RARB: variants seen among roughly 807,000 people sequenced by gnomAD.
RARB encodes retinoic acid receptor beta.
A neutral mutation model predicts 51.9 loss-of-function variants in RARB; 17 were observed. The observed-to-expected ratio is 0.33, with a 90% CI of 0.22 to 0.49. The LOEUF (loss-of-function observed/expected upper bound fraction) is 0.49. Among genes scored for constraint, RARB ranks in the 20% least tolerant of loss-of-function variants. RARB has a pLI of 0.99. For missense variants in RARB, 369 were observed against 550.8 expected, an observed-to-expected ratio of 0.67 and a Z score of 3.30; for synonymous variants, 215 against 195.4, an observed-to-expected ratio of 1.10 and a Z score of -0.84.
At chr3:25,054,908 C>G (rs1015089519) in intron 2 of RARB, among the ~76,000 whole-genome samples, 1 of 152,120 alleles carries the variant, frequency 6.6e-6, no homozygotes, top group African/African-American at 2.4e-5. Context: ...ATTCCACTTC[C>G]TACAGAGTCA....
At chr3:25,128,904 G>GT (rs1275318830) in intron 3 of RARB, among the ~76,000 whole-genome samples, 4 of 152,054 alleles carry the variant, frequency 2.6e-5, no homozygotes, top group African/African-American at 9.7e-5. Flanking sequence ...GTCGAAGAGA[G>GT]GATTAGTTAA....
chr3:25,365,400 C>G (rs1299500050), intron 5 of RARB, among the ~76,000 whole-genome samples: 1 of 151,776 alleles, frequency 6.6e-6, no homozygotes, highest in Non-Finnish European at 1.5e-5. Context: ...GCATGAGCCA[C>G]CATGCCTGTC....
upstream of RARB, among the ~76,000 whole-genome samples, chr3:25,428,076 C>A (rs1708048706): frequency 6.6e-6 from 1 of 152,188 alleles, no homozygotes; most frequent in Non-Finnish European, 1.5e-5. Context: ...AAAACGCCGG[C>A]TTGTGCGCTC....
At chr3:25,317,476 A>T (rs78134945) in intron 5 of RARB, among the ~76,000 whole-genome samples, 19 of 152,204 alleles carry the variant, frequency 1.2e-4, no homozygotes, top group Non-Finnish European at 2.2e-4. Flanking sequence ...ATCCAGCATT[A>T]TAATAAAGCT....
chr3:24,903,366 A>T (rs924821425), intron 2 of RARB, among the ~76,000 whole-genome samples: 8 of 152,174 alleles, frequency 5.3e-5, no homozygotes, highest in African/African-American at 1.9e-4. Flanking sequence ...CTGTTAGATG[A>T]GTTGTCCATT....
At chr3:25,462,827 T>C (rs1695248668) in intron 2 of RARB, among the ~76,000 whole-genome samples, 1 of 152,170 alleles carries the variant, frequency 6.6e-6, no homozygotes, top group Admixed American at 6.5e-5. Flanking sequence ...CCCATCAGGC[T>C]GGCCCTGGCT....
At chr3:25,055,883 G>A (rs1156932715) in intron 2 of RARB, among the ~76,000 whole-genome samples, 2 of 152,222 alleles carry the variant, frequency 1.3e-5, no homozygotes, top group East Asian at 3.9e-4. Flanking sequence ...TACATGGGGA[G>A]CTGCCATGTT....
intron 3 of RARB, among the ~76,000 whole-genome samples, chr3:25,062,880 A>G (rs1266243795): frequency 6.6e-6 from 1 of 152,002 alleles, no homozygotes; most frequent in Non-Finnish European, 1.5e-5. Flanking sequence ...ATACATGGGA[A>G]AATTCAATTG....
intron 4 of RARB, among the ~76,000 whole-genome samples, chr3:25,151,489 C>A (rs1260002130): frequency 6.6e-6 from 1 of 152,184 alleles, no homozygotes; most frequent in Non-Finnish European, 1.5e-5. Flanking sequence ...AGCGTCATTT[C>A]TTTCTCCAGC....
chr3:25,500,436 C>A (rs1282733611), intron 2 of RARB, among the ~76,000 whole-genome samples: 3 of 77,554 alleles, frequency 3.9e-5, no homozygotes, highest in Admixed American at 1.3e-4. Flanking sequence ...CAAATAATTT[C>A]TTTTTCTTTC....
chr3:24,991,435 C>T (rs901696907), intron 2 of RARB, among the ~76,000 whole-genome samples: 2 of 140,842 alleles, frequency 1.4e-5, no homozygotes, highest in Non-Finnish European at 3.1e-5. Flanking sequence ...AAGAGCAAAA[C>T]TCTGTCTCAA....
At chr3:24,859,523 CCT>C (rs144009926) in intron 2 of RARB, among the ~76,000 whole-genome samples, 3,340 of 152,238 alleles carry the variant, frequency 0.022, 135 homozygotes, top group African/African-American at 0.077. Flanking sequence ...TGGTCTCAAA[CCT>C]CTGTATTCTG....
chr3:24,909,493 G>A (rs142073338), intron 2 of RARB, among the ~76,000 whole-genome samples: 1 of 151,916 alleles, frequency 6.6e-6, no homozygotes, highest in Non-Finnish European at 1.5e-5. Flanking sequence ...TGTCTCCTAC[G>A]TTCCTCCTCG....
chr3:24,988,085 A>G (rs995279504), intron 2 of RARB, among the ~76,000 whole-genome samples: 1 of 152,140 alleles, frequency 6.6e-6, no homozygotes, highest in African/African-American at 2.4e-5. Flanking sequence ...GCTAGATGTA[A>G]TTGTCTCATA....
intron 5 of RARB, among the ~76,000 whole-genome samples, chr3:25,345,433 G>A (rs879285955): frequency 3.3e-5 from 5 of 152,150 alleles, no homozygotes; most frequent in Non-Finnish European, 7.4e-5. Flanking sequence ...TTGGGAGGCT[G>A]AGGTGGGTGG....
chr3:24,845,570 C>T (rs1702476435), intron 1 of RARB, among the ~76,000 whole-genome samples: 3 of 152,196 alleles, frequency 2.0e-5, no homozygotes, highest in Admixed American at 6.5e-5. Flanking sequence ...CCATGTTTAA[C>T]TGTAAAGGAG....
chr3:24,898,971 C>T (rs1198083072), intron 2 of RARB, among the ~76,000 whole-genome samples: 1 of 152,116 alleles, frequency 6.6e-6, no homozygotes, highest in Non-Finnish European at 1.5e-5. Context: ...TCATGACCAC[C>T]TCTGGCTTGA....
At chr3:25,496,246 C>T (rs931500986) in intron 2 of RARB, among the ~76,000 whole-genome samples, 11 of 152,214 alleles carry the variant, frequency 7.2e-5, no homozygotes, top group Non-Finnish European at 1.3e-4. Context: ...CTGAGCTATT[C>T]AGCTGGTGTG....
intron 3 of RARB, among the ~76,000 whole-genome samples, chr3:25,555,846 C>A (rs567693775): frequency 3.7e-4 from 56 of 152,260 alleles, no homozygotes; most frequent in African/African-American, 1.3e-3. Flanking sequence ...GCTGCCTCTA[C>A]CTTAGAAGGC....
Sources: allele counts gnomAD v4.1 joint callset (sites outside exome capture counted in the v4.1 genomes callset), GRCh38; gene constraint gnomAD v4.1.1; transcripts MANE v1.5; gene names NCBI Gene and HGNC (gene_info 2026-07-23, HGNC 2026-07-21).